The following ALOX15 variants were observed in gnomAD, a reference collection of about 807,000 sequenced individuals.
ALOX15 encodes polyunsaturated fatty acid lipoxygenase ALOX15.
ALOX15 carries 68 observed loss-of-function variants against 71.7 expected under a neutral mutation model. That is an observed-to-expected ratio of 0.95 (90% CI 0.78 to 1.16). ALOX15 has a LOEUF of 1.16. Ranked by LOEUF, ALOX15 falls within the 50% of genes most tolerant of loss-of-function variation. The pLI is 0.00. For synonymous variants in ALOX15, 346 were observed against 333.3 expected (o/e 1.04, Z -0.42); for missense variants, 798 against 818.8 (o/e 0.97, Z 0.31).
At chr17:4,640,472 C>T (rs75868674) in intron 1 of ALOX15, among the ~76,000 whole-genome samples, 4,811 of 145,970 alleles carry the variant, frequency 0.033, 501 homozygotes, top group Middle Eastern at 0.095. Flanking sequence ...CCCCTTAATT[C>T]CAAGGAGATC....
chr17:4,638,472 G>A (rs1911191729), intron 5 of ALOX15, 95 bp from the exon 6 acceptor site: 1 of 1,038,468 alleles, frequency 9.6e-7, no homozygotes, highest in East Asian at 2.5e-5. Context: ...CCCACCAGAG[G>A]GACCCAAGTC....
chr17:4,635,700 C>A, intron 8 of ALOX15, 59 bp downstream of exon 8: 1 of 1,563,436 alleles, frequency 6.4e-7, no homozygotes, highest in East Asian at 2.2e-5. Context: ...CTCCAGAGGT[C>A]GGAACGTGCC....
In ALOX15 at chr17:4,641,497, C is replaced by A. The variant is rs1438552099; in HGVS notation, c.135+20G>T. ...GGAGCCAGGGGCGCAGCCCACCCCG[C>A]CCGGCTCTGGGGAGCTCACCTTGCC... On this transcript the variant is annotated intron_variant, in intron 1 of 13. Transcript: ENST00000293761. The A allele has an allele frequency of 1.2e-6, 2 of 1,605,322 alleles. No homozygotes were observed. Among genetic ancestry groups the A allele is most frequent in the Admixed American group, 1.7e-5 (1 of 59,166 alleles).
Position 4,633,483 on chromosome 17 carries a change from C to A in ALOX15, c.1179G>T (p.Leu393=). The A allele has an allele frequency of 6.2e-7, 1 of 1,614,088 alleles. No individual in the cohort carries two copies. The highest frequency in any genetic ancestry group is 8.5e-7 in the Non-Finnish European group (1 of 1,179,992). ...GGACGTTAATTTCCAGGGTGTATCGCAGGTGGGGAATTATAAGCTAGAGGG... is the reference window on the plus strand; with the variant it reads ...GGACGTTAATTTCCAGGGTGTATCGAAGGTGGGGAATTATAAGCTAGAGGG... ...HPIFKLIIPH[L]RYTLEINVRA... is the part of the protein sequence containing the mutation. Residue 393 remains leucine, a synonymous_variant, in exon 9 of 14, where the codon CTG becomes CTT. Coordinates refer to ENST00000293761, the MANE Select transcript of ALOX15 (RefSeq NM_001140.5).
At chr17:4,637,860 G>C (rs1238927728) in intron 6 of ALOX15, among the ~76,000 whole-genome samples, 1 of 151,906 alleles carries the variant, frequency 6.6e-6, no homozygotes, top group Non-Finnish European at 1.5e-5. Context: ...TTAATCCCAT[G>C]AATTTCCTCT....
chr17:4,633,495 T>G lies in ALOX15; in HGVS notation c.1167A>C (p.Ile389=), dbSNP rs1349509501. Residue 389 remains isoleucine, a synonymous_variant, in exon 9 of 14, where the codon ATA becomes ATC. Coordinates refer to ENST00000293761, the MANE Select transcript of ALOX15 (RefSeq NM_001140.5). The stretch of plus-strand genomic sequence containing the variant: ...CCAGGGTGTATCGCAGGTGGGGAAT[T>G]ATAAGCTAGAGGGAGAAACACAGGG... ...LPSIHPIFKL[I]IPHLRYTLEI... is the part of the protein sequence containing the mutation. 1 of 1,613,684 alleles carries G rather than the reference T, an allele frequency of 6.2e-7. No homozygotes were observed. The highest frequency in any genetic ancestry group is 2.2e-5 in the East Asian group (1 of 44,868).
intron 8 of ALOX15, among the ~76,000 whole-genome samples, chr17:4,634,050 G>A (rs901346822): frequency 3.3e-5 from 5 of 152,176 alleles, no homozygotes; most frequent in African/African-American, 1.2e-4. Flanking sequence ...GGTGGAAGGA[G>A]TGAGGGGATC....
At chr17:4,634,435 TGG>T (rs1182174241) in intron 8 of ALOX15, among the ~76,000 whole-genome samples, 13 of 151,792 alleles carry the variant, frequency 8.6e-5, no homozygotes, top group African/African-American at 2.9e-4. Flanking sequence ...CCCGAGTAGC[TGG>T]GATTACAGGC....
chr17:4,641,422 C>G, intron 1 of ALOX15, 95 bp downstream of exon 1: 3 of 1,513,754 alleles, frequency 2.0e-6, no homozygotes, highest in Non-Finnish European at 1.8e-6. Flanking sequence ...CAAAGAGAAT[C>G]GGCCAGAGGC....
At position 4,638,260 on chromosome 17, in the gene ALOX15, G is replaced by T. The variant is rs1213283826; in HGVS notation, c.764C>A (p.Pro255Gln). 1 of 743,850 alleles carries T rather than the reference G, an allele frequency of 1.3e-6. No individual in the cohort carries two copies. Among genetic ancestry groups the T allele is most frequent in the East Asian group, 2.7e-5 (1 of 37,306 alleles). The allele number at this position is 743,850 out of a possible 1,614,324, so 46.1% of individuals were successfully genotyped here. The change falls in exon 6 of 14, where the codon CCA becomes CAA. Residue 255 changes from proline (P) to glutamine (Q), a missense_variant. Pro to Gln is a moderately conservative substitution (Grantham distance 76). This residue lies in a region of ALOX15 where 8 missense variants were observed against 26.4 expected (regional missense o/e 0.30). Coordinates refer to ENST00000293761, the MANE Select transcript of ALOX15 (RefSeq NM_001140.5). ...CTGGGCCTGCAGTTCCTCCATGCCT[G>T]GAGGGAACACTAGGCGAGCAGGAAG... ...AHLPARLVFP[P>Q]GMEELQAQLE...
At chr17:4,637,015 T>C (rs1597431547) in intron 7 of ALOX15, 100 bp downstream of exon 7, 2 of 1,442,876 alleles carry the variant, frequency 1.4e-6, no homozygotes, top group East Asian at 2.3e-5. Context: ...CCAGGTGCCT[T>C]AGCCCAGTGC....
intron 8 of ALOX15, among the ~76,000 whole-genome samples, chr17:4,634,510 T>G (rs1806464125): frequency 6.6e-6 from 1 of 151,806 alleles, no homozygotes; most frequent in African/African-American, 2.4e-5. Context: ...GACCAAGATT[T>G]CTCAACTTTT....
Position 4,641,630 on chromosome 17 carries a change from C to G in ALOX15, c.22G>C (p.Val8Leu), listed in dbSNP as rs781701123. 4 of 1,613,444 alleles carry G rather than the reference C, an allele frequency of 2.5e-6. No individual in the cohort carries two copies. Among genetic ancestry groups the G allele is most frequent in the Admixed American group, 1.7e-5 (1 of 59,976 alleles). ...GCATAGAGCGAGGCCCCAGTGGACA[C>G]GCGGATGCGGTAGAGACCCATCTTG... is the stretch of plus-strand genomic sequence containing the variant. MGLYRIR[V>L]STGASLYAGS... The change falls in exon 1 of 14, where the codon GTG becomes CTG. Residue 8 changes from valine to leucine, a missense_variant. This residue lies in a region of ALOX15 where 300 missense variants were observed against 283.1 expected (regional missense o/e 1.06). Coordinates refer to ENST00000293761, the MANE Select transcript of ALOX15 (RefSeq NM_001140.5).
Position 4,641,623 on chromosome 17 carries a change from G to A in ALOX15, c.29C>T (p.Thr10Ile), listed in dbSNP as rs1911338760. The A allele has an allele frequency of 1.9e-6, 3 of 1,613,910 alleles. No homozygotes were observed. The highest frequency in any genetic ancestry group is 2.5e-6 in the Non-Finnish European group (3 of 1,180,036). MGLYRIRVS[T>I]GASLYAGSNN... is the part of the protein sequence containing the mutation. ...GGAACCGGCATAGAGCGAGGCCCCA[G>A]TGGACACGCGGATGCGGTAGAGACC... is the stretch of plus-strand genomic sequence containing the variant. Residue 10 changes from threonine to isoleucine, a missense_variant, in exon 1 of 14, where the codon ACT becomes ATT. Thr to Ile is a moderately conservative substitution (Grantham distance 89). Coordinates refer to ENST00000293761, the MANE Select transcript of ALOX15 (RefSeq NM_001140.5).
rs370411208 is a variant in ALOX15 at position 4,641,622 on chromosome 17, A to T, written c.30T>A (p.Thr10=). The change falls in exon 1 of 14, where the codon ACT becomes ACA. Residue 10 remains threonine (T), a synonymous_variant. Coordinates refer to ENST00000293761, the MANE Select transcript of ALOX15 (RefSeq NM_001140.5). ...TGGAACCGGCATAGAGCGAGGCCCCAGTGGACACGCGGATGCGGTAGAGAC... is the reference window on the plus strand; with the variant it reads ...TGGAACCGGCATAGAGCGAGGCCCCTGTGGACACGCGGATGCGGTAGAGAC... MGLYRIRVS[T]GASLYAGSNN... 1.9e-6 allele frequency: 3 copies of T among 1,613,600 alleles called. No individual in the cohort carries two copies. In the African/African-American group the frequency reaches 4.0e-5, roughly 22 times the overall value.
rs541466119 is a variant in ALOX15, at chr17:4,639,280, C to T, written c.338-148G>A. On this transcript the variant is annotated intron_variant, in intron 2 of 13. Transcript: ENST00000293761. ...CCCCCAGGCTCCAGCCACTTTGTGC[C>T]AGCTGCAGCCACCGCCCCTTCGACA... 29 of 1,374,480 alleles carry T rather than the reference C, an allele frequency of 2.1e-5. No individual in the cohort carries two copies. The Middle Eastern group carries it at 6.7e-4, about 32-fold the overall frequency. The allele number at this position is 1,374,480 out of a possible 1,614,324, so 85.1% of individuals were successfully genotyped here.
rs41496544 is a variant in ALOX15 at position 4,639,080 on chromosome 17, T to C, written c.390A>G (p.Glu130=). The C allele has an allele frequency of 1.5e-5, 24 of 1,614,154 alleles. No homozygotes were observed. In the African/African-American group the frequency reaches 2.7e-4, roughly 18 times the overall value. ...ACAACTTCCTTCTCTCTTCCAGCTC[T>C]TCTTCCCGGTGTTTCTGGAACAGGC... ...PQGLFQKHRE[E]ELEERRKLYR... Residue 130 remains glutamate (E), a synonymous_variant, in exon 3 of 14, where the codon GAA becomes GAG. Transcript: ENST00000293761.
chr17:4,631,780 C>G lies in ALOX15; in HGVS notation c.1810-1G>C. The G allele has an allele frequency of 6.2e-7, 1 of 1,613,960 alleles. No individual in the cohort carries two copies. The highest frequency in any genetic ancestry group is 8.5e-7 in the Non-Finnish European group (1 of 1,179,946). On this transcript the variant is annotated splice_acceptor_variant, in intron 13 of 13. Coordinates refer to ENST00000293761, the MANE Select transcript of ALOX15 (RefSeq NM_001140.5). LOFTEE classifies it high-confidence loss of function. ...CCTCCTCATGCTGGCCCACAGCCAC[C>G]TGGGAGGGAGAGGAAAAGGTGGCTG...
At chr17:4,637,401 T>A (rs1422441565) in intron 6 of ALOX15, 143 bp from the exon 7 acceptor site, 1 of 983,694 alleles carries the variant, frequency 1.0e-6, no homozygotes, top group Non-Finnish European at 1.4e-6. Context: ...GCTTACTTCC[T>A]CATATCATTT....
Sources: allele counts gnomAD v4.1 joint callset (sites outside exome capture counted in the v4.1 genomes callset), GRCh38; gene constraint gnomAD v4.1.1; regional missense constraint gnomAD v4.1.1; transcripts MANE v1.5; gene names NCBI Gene and HGNC (gene_info 2026-07-23, HGNC 2026-07-21).